CBFA2T2: variants seen among roughly 807,000 people sequenced by gnomAD.
The protein encoded by CBFA2T2 is CBFA2/RUNX1 partner transcriptional co-repressor 2.
A neutral mutation model predicts 62.2 loss-of-function variants in CBFA2T2; 11 were observed. That is an observed-to-expected ratio of 0.18 (90% CI 0.11 to 0.29). CBFA2T2 has a LOEUF of 0.29. Among genes scored for constraint, CBFA2T2 ranks in the 10% least tolerant of loss-of-function variants. CBFA2T2 has a pLI of 1.00. For missense variants in CBFA2T2, 592 were observed against 774.1 expected, an observed-to-expected ratio of 0.76 and a Z score of 2.79; for synonymous variants, 295 against 287.5, an observed-to-expected ratio of 1.03 and a Z score of -0.27.
chr20:33,554,272 T>C (rs1446289765), intron 1 of CBFA2T2, among the ~76,000 whole-genome samples: 4 of 150,712 alleles, frequency 2.7e-5, no homozygotes, highest in South Asian at 2.1e-4. Context: ...TTTTTTTTTT[T>C]CAGACAGTGT....
At chr20:33,536,316 C>G (rs1317334566) in intron 1 of CBFA2T2, among the ~76,000 whole-genome samples, 5 of 146,008 alleles carry the variant, frequency 3.4e-5, no homozygotes, top group Admixed American at 1.4e-4. Flanking sequence ...CCCCCACCTC[C>G]CTCCCAGACG....
At chr20:33,554,782 G>T in intron 1 of CBFA2T2, among the ~76,000 whole-genome samples, 1 of 151,562 alleles carries the variant, frequency 6.6e-6, no homozygotes, top group Non-Finnish European at 1.5e-5. Context: ...CTAGATGAGA[G>T]ATTTGATCTG....
At chr20:33,628,322 T>C in intron 6 of CBFA2T2, 28 bp from the exon 7 acceptor site, 1 of 1,525,460 alleles carries the variant, frequency 6.6e-7, no homozygotes, top group Non-Finnish European at 9.1e-7. Context: ...TCCTGCTATC[T>C]TTGAATTTAA....
intron 1 of CBFA2T2, among the ~76,000 whole-genome samples, chr20:33,583,497 G>A (rs2014210448): frequency 6.6e-6 from 1 of 152,184 alleles, no homozygotes; most frequent in African/African-American, 2.4e-5. Flanking sequence ...TGAATATAAT[G>A]TATGATGAAG....
chr20:33,614,200 T>C (rs2015625303), intron 3 of CBFA2T2, among the ~76,000 whole-genome samples: 1 of 152,214 alleles, frequency 6.6e-6, no homozygotes, highest in African/African-American at 2.4e-5. Flanking sequence ...AATTATTTCT[T>C]TTAAATGGCC....
At chr20:33,601,044 AT>A (rs1343144726) in intron 1 of CBFA2T2, among the ~76,000 whole-genome samples, 1 of 152,042 alleles carries the variant, frequency 6.6e-6, no homozygotes, top group Non-Finnish European at 1.5e-5. Context: ...AAAAAGGAAC[AT>A]TATAATTTGT....
intron 1 of CBFA2T2, among the ~76,000 whole-genome samples, chr20:33,503,446 G>C (rs1948747373): frequency 6.6e-6 from 1 of 151,640 alleles, no homozygotes. Flanking sequence ...GTAGAGACGG[G>C]GTTTCACCAT....
chr20:33,557,520 T>C (rs2012937277), intron 1 of CBFA2T2, among the ~76,000 whole-genome samples: 1 of 141,738 alleles, frequency 7.1e-6, no homozygotes, highest in South Asian at 2.2e-4. Context: ...CTATATATTT[T>C]TTGAGAGACA....
chr20:33,634,730 A>G (rs897766345), intron 8 of CBFA2T2, among the ~76,000 whole-genome samples: 1 of 151,990 alleles, frequency 6.6e-6, no homozygotes, highest in Non-Finnish European at 1.5e-5. Context: ...GAGTTCAATA[A>G]GCAGGCAAGT....
Position 33,625,148 on chromosome 20 carries a change from A to C in CBFA2T2, c.946+131A>C, listed in dbSNP as rs1294053522. 1.6e-5 allele frequency: 14 copies of C among 860,656 alleles called. No homozygotes were observed. The East Asian group carries it at 2.9e-4, about 18-fold the overall frequency. 53.3% of individuals were successfully genotyped at this position (860,656 alleles called of 1,614,324 possible). On this transcript the variant is annotated intron_variant, in intron 6 of 10. Coordinates refer to ENST00000342704, the MANE Select transcript of CBFA2T2 (RefSeq NM_001032999.3). ...AAAACAATATTATACATAGACTATTAGAATCATAGTTGATCTTATTTGATA... is the reference window on the plus strand; with the variant it reads ...AAAACAATATTATACATAGACTATTCGAATCATAGTTGATCTTATTTGATA...
At chr20:33,626,184 G>A (rs2016220828) in intron 6 of CBFA2T2, among the ~76,000 whole-genome samples, 1 of 152,182 alleles carries the variant, frequency 6.6e-6, no homozygotes, top group African/African-American at 2.4e-5. Context: ...AGACTGCAAT[G>A]AGCCATGATG....
intron 1 of CBFA2T2, among the ~76,000 whole-genome samples, chr20:33,502,048 C>T (rs954690511): frequency 1.3e-5 from 2 of 152,142 alleles, no homozygotes; most frequent in African/African-American, 2.4e-5. Context: ...CCTCAAGCTC[C>T]GAAAGTACTG....
rs186101962 is a variant in CBFA2T2 at position 33,617,054 on chromosome 20, C to T, written c.421-2463C>T. Among the ~76,000 whole-genome samples the T allele has an allele frequency of 6.0e-4, 92 of 152,112 alleles. 1 individual carries two copies. The highest frequency in any genetic ancestry group is 2.1e-3 in the African/African-American group (87 of 41,486). On this transcript the variant is annotated intron_variant, in intron 3 of 10. Coordinates refer to ENST00000342704, the MANE Select transcript of CBFA2T2 (RefSeq NM_001032999.3). ...CTGGGGAATGTAGCATGACTCCTTC[C>T]TCTACAAAAAAAAAAATTTAAATTA...
intron 8 of CBFA2T2, among the ~76,000 whole-genome samples, chr20:33,635,686 G>A (rs2016606906): frequency 6.6e-6 from 1 of 152,108 alleles, no homozygotes; most frequent in African/African-American, 2.4e-5. Flanking sequence ...TGGAAACCCT[G>A]AGATAGTGAA....
At chr20:33,613,304 C>T (rs143077190) in intron 3 of CBFA2T2, among the ~76,000 whole-genome samples, 9 of 152,264 alleles carry the variant, frequency 5.9e-5, no homozygotes, top group African/African-American at 1.9e-4. Flanking sequence ...TTTGGGGTCT[C>T]CAGCATCTCC....
rs1601041997 is a variant in CBFA2T2 at position 33,601,254 on chromosome 20, G to T, written c.35-5702G>T. ...TTGTTTTTTTTGTGGGTTTTTTATT[G>T]TTGTTGTTGTTTTTTGTTTGTTTGT... On this transcript the variant is annotated intron_variant, in intron 1 of 10. Transcript: ENST00000342704. 2.0e-5 allele frequency among the ~76,000 whole-genome samples: 3 copies of T among 151,384 alleles called. No individual in the cohort carries two copies. The South Asian group carries it at 6.3e-4, about 32-fold the overall frequency.
At chr20:33,568,135 C>T (rs2013414861) in intron 1 of CBFA2T2, among the ~76,000 whole-genome samples, 1 of 152,136 alleles carries the variant, frequency 6.6e-6, no homozygotes, top group South Asian at 2.1e-4. Context: ...CACCTCTAAG[C>T]CTCAGTTTTC....
chr20:33,610,444 G>T (rs1325679093), intron 2 of CBFA2T2, among the ~76,000 whole-genome samples: 1 of 152,196 alleles, frequency 6.6e-6, no homozygotes, highest in Admixed American at 6.5e-5. Context: ...TGTAGGATGG[G>T]AGTGTCCTGC....
chr20:33,634,808 C>T (rs2016580567), intron 8 of CBFA2T2, among the ~76,000 whole-genome samples: 1 of 151,906 alleles, frequency 6.6e-6, no homozygotes, highest in African/African-American at 2.4e-5. Flanking sequence ...GGCTTCCAGG[C>T]AACTTTTTAG....
Sources: allele counts gnomAD v4.1 joint callset (sites outside exome capture counted in the v4.1 genomes callset), GRCh38; gene constraint gnomAD v4.1.1; transcripts MANE v1.5; gene names NCBI Gene and HGNC (gene_info 2026-07-23, HGNC 2026-07-21).